The following CUEDC1 variants were observed in gnomAD, a reference collection of about 807,000 sequenced individuals.
CUEDC1 encodes the protein CUE domain containing 1, also known as CUE domain-containing protein 1.
CUEDC1 carries 30 observed loss-of-function variants against 43.7 expected under a neutral mutation model. The observed-to-expected ratio is 0.69, with a 90% CI of 0.51 to 0.93. The LOEUF is 0.93. CUEDC1 is among the 40% of genes least tolerant of loss of function. The pLI is 0.00. For missense variants in CUEDC1, 486 were observed against 549.0 expected (o/e 0.89, Z 1.15); for synonymous variants, 223 against 223.6 (o/e 1.00, Z 0.02).
chr17:57,932,624 G>A (rs1358382267), intron 1 of CUEDC1, among the ~76,000 whole-genome samples: 1 of 143,810 alleles, frequency 7.0e-6, no homozygotes, highest in Non-Finnish European at 1.5e-5. Flanking sequence ...TCTGTTGGAG[G>A]GCCAAGGTGG....
intron 1 of CUEDC1, among the ~76,000 whole-genome samples, chr17:57,942,626 T>G (rs549385193): frequency 1.5e-4 from 23 of 152,088 alleles, no homozygotes; most frequent in African/African-American, 5.5e-4. Context: ...TGACCTCAGG[T>G]GATCCACCCG....
chr17:57,875,490 A>G (rs1220945086), intron 3 of CUEDC1, among the ~76,000 whole-genome samples: 2 of 152,202 alleles, frequency 1.3e-5, no homozygotes, highest in Non-Finnish European at 2.9e-5. Context: ...AGATGAGGTC[A>G]GCCCACAGCT....
At position 57,885,324 on chromosome 17, in the gene CUEDC1, T is replaced by C; in HGVS notation, c.241A>G (p.Ile81Val). The change falls in exon 2 of 11, where the codon ATC (isoleucine) becomes GTC (valine). Residue 81 changes from isoleucine (I) to valine (V), a missense_variant. Transcript: ENST00000577830. ...RANSGAVDAT[I>V]DQLLQMNLEG... ...AGGTTCATCTGCAGCAGCTGGTCGA[T>C]GGTGGCGTCCACAGCGCCGCTGTTG... is the stretch of plus-strand genomic sequence containing the variant. 1 of 1,611,476 alleles carries C rather than the reference T, an allele frequency of 6.2e-7. No homozygotes were observed.
At chr17:57,929,139 T>C (rs2074778807) in intron 1 of CUEDC1, among the ~76,000 whole-genome samples, 1 of 152,170 alleles carries the variant, frequency 6.6e-6, no homozygotes, top group Non-Finnish European at 1.5e-5. Flanking sequence ...ACAATGACAA[T>C]GATGCTGCTG....
At chr17:57,928,789 T>C (rs1422738678) in intron 1 of CUEDC1, among the ~76,000 whole-genome samples, 1 of 118,472 alleles carries the variant, frequency 8.4e-6, no homozygotes, top group African/African-American at 3.3e-5. Context: ...GGAGACAGTA[T>C]CCAGGATATA....
At chr17:57,873,858 C>T (rs948649202) in intron 3 of CUEDC1, 141 bp from the exon 4 acceptor site, 54 of 831,868 alleles carry the variant, frequency 6.5e-5, no homozygotes, top group Non-Finnish European at 4.1e-5. Context: ...AACAAAGGCC[C>T]GTCACTCTGT....
chr17:57,946,169 T>C (rs1211648592), intron 1 of CUEDC1, among the ~76,000 whole-genome samples: 1 of 152,152 alleles, frequency 6.6e-6, no homozygotes, highest in Non-Finnish European at 1.5e-5. Flanking sequence ...CTTAATTACA[T>C]ACCATTGGTC....
intron 1 of CUEDC1, among the ~76,000 whole-genome samples, chr17:57,909,987 T>G (rs1417135221): frequency 2.0e-5 from 3 of 152,170 alleles, no homozygotes; most frequent in Non-Finnish European, 1.5e-5. Flanking sequence ...GGTTTTGTTT[T>G]GTTTTGTTTT....
At chr17:57,895,737 C>A (rs968813357) in intron 1 of CUEDC1, among the ~76,000 whole-genome samples, 2 of 152,156 alleles carry the variant, frequency 1.3e-5, no homozygotes. Flanking sequence ...TCTAGGGGAC[C>A]CCACTGGGCT....
chr17:57,898,766 G>A (rs763448861), intron 1 of CUEDC1, among the ~76,000 whole-genome samples: 2 of 152,152 alleles, frequency 1.3e-5, no homozygotes, highest in Admixed American at 6.5e-5. Context: ...CCCCACTCAG[G>A]GACCTCCAGG....
At position 57,919,560 on chromosome 17, in the gene CUEDC1, T is replaced by C. The variant is rs113087983; in HGVS notation, c.-315-33681A>G. ...CAAGTGAAAGAAGTTTGAAGCCTGT[T>C]GCTTTCCTTCCCTGGAGCCATGATC... On this transcript the variant is annotated intron_variant, in intron 1 of 10. Coordinates refer to ENST00000577830, the MANE Select transcript of CUEDC1 (RefSeq NM_001271875.2). 9.7e-3 allele frequency among the ~76,000 whole-genome samples: 1,483 copies of C among 152,328 alleles called. 22 individuals carry two copies. Among genetic ancestry groups the C allele is most frequent in the African/African-American group, 0.033 (1,380 of 41,568 alleles).
At chr17:57,936,631 G>A (rs927547711) in intron 1 of CUEDC1, among the ~76,000 whole-genome samples, 1 of 152,058 alleles carries the variant, frequency 6.6e-6, no homozygotes, top group South Asian at 2.1e-4. Context: ...CACAGAGCAT[G>A]GCACTACTGT....
chr17:57,908,116 G>GC (rs2074547338), intron 1 of CUEDC1, among the ~76,000 whole-genome samples: 2 of 151,948 alleles, frequency 1.3e-5, no homozygotes, highest in Admixed American at 1.3e-4. Context: ...GAGTGCAGTG[G>GC]CATGATCTCG....
At position 57,873,979 on chromosome 17, in the gene CUEDC1, G is replaced by T. The variant is rs573501787; in HGVS notation, c.465-262C>A. On this transcript the variant is annotated intron_variant, in intron 3 of 10. Coordinates refer to ENST00000577830, the MANE Select transcript of CUEDC1 (RefSeq NM_001271875.2). ...TGGACCTACAGAGCTGTCTGTCCACGGTGCACATGTGGAACTCTGTGGATT... is the reference window on the plus strand; with the variant it reads ...TGGACCTACAGAGCTGTCTGTCCACTGTGCACATGTGGAACTCTGTGGATT... 2.0e-5 allele frequency among the ~76,000 whole-genome samples: 3 copies of T among 152,306 alleles called. No individual in the cohort carries two copies. The South Asian group carries it at 6.2e-4, about 32-fold the overall frequency.
intron 1 of CUEDC1, among the ~76,000 whole-genome samples, chr17:57,941,461 C>G (rs2074916596): frequency 6.6e-6 from 1 of 152,220 alleles, no homozygotes; most frequent in Non-Finnish European, 1.5e-5. Context: ...CAAATCCAGC[C>G]TACACTCTGC....
At chr17:57,880,332 C>G (rs2074186977) in intron 2 of CUEDC1, among the ~76,000 whole-genome samples, 1 of 152,212 alleles carries the variant, frequency 6.6e-6, no homozygotes, top group Non-Finnish European at 1.5e-5. Flanking sequence ...CTCATTACCC[C>G]ATTTGACACA....
chr17:57,882,874 TGTTAAGGCTTGA>T (rs1461049444), intron 2 of CUEDC1, among the ~76,000 whole-genome samples: 11 of 152,236 alleles, frequency 7.2e-5, no homozygotes, highest in Non-Finnish European at 1.5e-5. Context: ...CGACTGTTTA[TGTTAAGGCTTGA>T]GTTAAGGCTT....
At chr17:57,871,031 C>A (rs1451220465) in intron 6 of CUEDC1, among the ~76,000 whole-genome samples, 1 of 152,164 alleles carries the variant, frequency 6.6e-6, no homozygotes, top group African/African-American at 2.4e-5. Context: ...AGAGTTCAGC[C>A]AGCCTATGTT....
At chr17:57,867,105 T>G (rs1366507445) in intron 9 of CUEDC1, 3 of 573,566 alleles carry the variant, frequency 5.2e-6, no homozygotes, top group Non-Finnish European at 9.4e-6. Flanking sequence ...CCAGAAACAG[T>G]ACCTGGCACT....
Sources: allele counts gnomAD v4.1 joint callset (sites outside exome capture counted in the v4.1 genomes callset), GRCh38; gene constraint gnomAD v4.1.1; transcripts MANE v1.5; gene names NCBI Gene and HGNC (gene_info 2026-07-23, HGNC 2026-07-21).